Variants in MAP2K6 observed in about 807,000 individuals in gnomAD.
The protein encoded by MAP2K6 is mitogen-activated protein kinase kinase 6, also known as dual specificity mitogen-activated protein kinase kinase 6.
In MAP2K6, 16 loss-of-function variants were observed where a neutral mutation model predicts 53.7. The ratio of observed to expected loss-of-function variants is 0.30; its 90% confidence interval spans 0.20 to 0.45. The LOEUF (loss-of-function observed/expected upper bound fraction) is 0.45. Among genes scored for constraint, MAP2K6 ranks in the 20% least tolerant of loss-of-function variants. The probability of loss-of-function intolerance (pLI) is 1.00; values close to 1 mark genes in which losing one functional copy is unlikely to be tolerated. For synonymous variants in MAP2K6, 132 were observed against 143.1 expected (o/e 0.92, Z 0.55); for missense variants, 204 against 411.9 (o/e 0.50, Z 4.37).
chr17:69,416,808 A>G (rs747413644), intron 1 of MAP2K6, among the ~76,000 whole-genome samples: 2 of 152,098 alleles, frequency 1.3e-5, no homozygotes, highest in East Asian at 3.9e-4. Flanking sequence ...GGGGATAGTC[A>G]GGAAGGTTTA....
At chr17:69,465,572 T>TAGGGG (rs1449833582) in intron 1 of MAP2K6, among the ~76,000 whole-genome samples, 9 of 151,756 alleles carry the variant, frequency 5.9e-5, no homozygotes, top group Non-Finnish European at 1.2e-4. Context: ...GGTGACAAGG[T>TAGGGG]AGGGGATGCA....
At chr17:69,458,219 A>T (rs2145166993) in intron 1 of MAP2K6, among the ~76,000 whole-genome samples, 1 of 152,112 alleles carries the variant, frequency 6.6e-6, no homozygotes, top group African/African-American at 2.4e-5. Context: ...AAGCCCGCTA[A>T]TTTTTGTATT....
chr17:69,504,801 T>C (rs138021401), intron 1 of MAP2K6, among the ~76,000 whole-genome samples: 415 of 152,338 alleles, frequency 2.7e-3, no homozygotes, highest in African/African-American at 9.4e-3. Flanking sequence ...AACATCAAGT[T>C]ACCTTTCCAT....
intron 2 of MAP2K6, among the ~76,000 whole-genome samples, chr17:69,507,534 T>G (rs1042404245): frequency 2.6e-5 from 4 of 152,248 alleles, no homozygotes; most frequent in Non-Finnish European, 4.4e-5. Context: ...TCTGTTCTCC[T>G]TTGCCATTTT....
intron 1 of MAP2K6, among the ~76,000 whole-genome samples, chr17:69,429,929 A>C (rs560640817): frequency 6.6e-6 from 1 of 152,308 alleles, no homozygotes; most frequent in East Asian, 1.9e-4. Context: ...AGGTAGAGGG[A>C]TAGTCGTGGG....
intron 8 of MAP2K6, 72 bp from the exon 9 acceptor site, chr17:69,524,829 C>T (rs1413400871): frequency 1.7e-6 from 2 of 1,178,122 alleles, no homozygotes; most frequent in Non-Finnish European, 2.5e-6. Flanking sequence ...ACCCCCATCC[C>T]CAGAGACTAT....
rs1352907827 is a variant in MAP2K6, at chr17:69,553,662, C to T, written c.*11909C>T. On this transcript the variant is annotated 3_prime_UTR_variant, in exon 12 of 12. Coordinates refer to ENST00000590474, the MANE Select transcript of MAP2K6 (RefSeq NM_002758.4). ...TGTTGTGTCAATCTACAAACTGACT[C>T]AAACAACAGTTTAACGATAGAGAAG... 1 of 152,174 alleles carries T rather than the reference C, an allele frequency of 6.6e-6. No individual in the cohort carries two copies. Among genetic ancestry groups the T allele is most frequent in the African/African-American group, 2.4e-5 (1 of 41,438 alleles). The allele number at this position is 152,174 out of a possible 1,614,324, so 9.4% of individuals were successfully genotyped here. A position where few individuals can be genotyped will look rare whatever the true frequency, so the allele number is the denominator to read the frequency against.
chr17:69,520,250 C>G lies in MAP2K6; in HGVS notation c.367-20C>G. ...CCTTTTTCATCCTTTTAAACAATTC[C>G]TGAAACAATTGGTCTCCAGGGTGAT... On this transcript the variant is annotated intron_variant, in intron 5 of 11. Coordinates refer to ENST00000590474, the MANE Select transcript of MAP2K6 (RefSeq NM_002758.4). The G allele has an allele frequency of 7.9e-7, 1 of 1,263,770 alleles. No individual in the cohort carries two copies. Among genetic ancestry groups the G allele is most frequent in the Middle Eastern group, 1.9e-4 (1 of 5,358 alleles). 78.3% of individuals were successfully genotyped at this position (1,263,770 alleles called of 1,614,324 possible).
At chr17:69,469,194 T>C (rs1275252758) in intron 1 of MAP2K6, among the ~76,000 whole-genome samples, 1 of 152,196 alleles carries the variant, frequency 6.6e-6, no homozygotes, top group Non-Finnish European at 1.5e-5. Context: ...TCCCCTTCCT[T>C]CATCTTAAAA....
chr17:69,464,589 C>T (rs1368519461), intron 1 of MAP2K6, among the ~76,000 whole-genome samples: 2 of 151,572 alleles, frequency 1.3e-5, no homozygotes, highest in Non-Finnish European at 2.9e-5. Flanking sequence ...ACTATGTTGC[C>T]CAAGCTGGTC....
intron 1 of MAP2K6, among the ~76,000 whole-genome samples, chr17:69,476,752 C>A (rs140277813): frequency 6.6e-6 from 1 of 152,186 alleles, no homozygotes; most frequent in African/African-American, 2.4e-5. Context: ...AGCCTTTCCC[C>A]AAGGGCCTGG....
At chr17:69,430,576 G>A (rs1209221481) in intron 1 of MAP2K6, among the ~76,000 whole-genome samples, 1 of 152,204 alleles carries the variant, frequency 6.6e-6, no homozygotes, top group Non-Finnish European at 1.5e-5. Context: ...TAGGTAGGGT[G>A]TAGAAGGACA....
chr17:69,450,251 C>A (rs534293862), intron 1 of MAP2K6, among the ~76,000 whole-genome samples: 2 of 152,176 alleles, frequency 1.3e-5, no homozygotes, highest in African/African-American at 4.8e-5. Flanking sequence ...CCACACCTGG[C>A]CTTTCTATTC....
At chr17:69,501,951 G>A (rs1055652345) in intron 1 of MAP2K6, among the ~76,000 whole-genome samples, 2 of 130,594 alleles carry the variant, frequency 1.5e-5, no homozygotes, top group African/African-American at 2.9e-5. Context: ...AGTGTTCAAT[G>A]TTAGCGTCAG....
At chr17:69,502,434 G>GT (rs1221488482) in intron 1 of MAP2K6, 8 of 985,334 alleles carry the variant, frequency 8.1e-6, no homozygotes, top group African/African-American at 5.2e-5. Context: ...GAACTGCAGA[G>GT]TGTTGCTGTG....
intron 2 of MAP2K6, among the ~76,000 whole-genome samples, chr17:69,508,857 G>T (rs948920259): frequency 6.6e-6 from 1 of 152,206 alleles, no homozygotes; most frequent in African/African-American, 2.4e-5. Context: ...AGCACCATTT[G>T]TTGAAAAGGC....
intron 10 of MAP2K6, among the ~76,000 whole-genome samples, chr17:69,533,118 G>A (rs1347232361): frequency 4.0e-5 from 6 of 151,882 alleles, no homozygotes; most frequent in East Asian, 3.9e-4. Context: ...TAGTAGAGTC[G>A]GGGTTTCACC....
In MAP2K6 at chr17:69,469,926, G is replaced by C. The variant is rs1907932788; in HGVS notation, c.17-35854G>C. ...GTAGAAACAATGGGCCTGGCATGGTGGCTCATGCCTCATGCCTGTAATCCC... is the reference window on the plus strand; with the variant it reads ...GTAGAAACAATGGGCCTGGCATGGTCGCTCATGCCTCATGCCTGTAATCCC... On this transcript the variant is annotated intron_variant, in intron 1 of 11. Coordinates refer to ENST00000590474, the MANE Select transcript of MAP2K6 (RefSeq NM_002758.4). Among the ~76,000 whole-genome samples, 3 of 152,108 alleles carry C rather than the reference G, an allele frequency of 2.0e-5. No individual in the cohort carries two copies. In the South Asian group the frequency reaches 6.2e-4, roughly 32 times the overall value.
chr17:69,444,197 C>T (rs761820146), intron 1 of MAP2K6, among the ~76,000 whole-genome samples: 2 of 152,076 alleles, frequency 1.3e-5, no homozygotes, highest in African/African-American at 4.8e-5. Flanking sequence ...TTGGGATTCC[C>T]CCCTTTCATC....
Sources: gnomAD v4.1 joint callset for allele counts (sites outside exome capture counted in the v4.1 genomes callset) on GRCh38, gnomAD v4.1.1 for gene constraint, MANE v1.5 for transcripts, NCBI Gene and HGNC (gene_info 2026-07-23, HGNC 2026-07-21) for gene names.